VAC14: variants seen among roughly 807,000 people sequenced by gnomAD.
VAC14 encodes the protein protein VAC14 homolog.
A neutral mutation model predicts 85.3 loss-of-function variants in VAC14; 47 were observed. The ratio of observed to expected loss-of-function variants is 0.55; its 90% CI spans 0.44 to 0.70. VAC14 has a LOEUF of 0.70. VAC14 is among the 30% of genes least tolerant of loss of function. The probability of loss-of-function intolerance (pLI) is 0.00; values close to 1 mark genes in which losing one functional copy is unlikely to be tolerated. For synonymous variants in VAC14, 447 were observed against 430.5 expected (o/e 1.04, Z -0.47); for missense variants, 861 against 1,004.3 (o/e 0.86, Z 1.93).
In VAC14 at chr16:70,762,666, G is replaced by GCGGGACACTGCAC; in HGVS notation, c.1306-62_1306-61insGTGCAGTGTCCCG. ...TCCCTTCGCCCCGGGACTACGTGCAGTGCAGTGTCCCGCTGGTGTGCACGG... is the reference window on the plus strand; with the variant it reads ...TCCCTTCGCCCCGGGACTACGTGCAGCGGGACACTGCACTGCAGTGTCCCGCTGGTGTGCACGG... On this transcript the variant is annotated intron_variant, in intron 11 of 18. Transcript: ENST00000261776. The surrounding 1 kb of genome is among the most constrained non-coding windows in gnomAD (Gnocchi z 4.1). The GCGGGACACTGCAC allele has an allele frequency of 6.3e-7, 1 of 1,576,752 alleles. No individual in the cohort carries two copies. Among genetic ancestry groups the GCGGGACACTGCAC allele is most frequent in the Non-Finnish European group, 8.7e-7 (1 of 1,150,288 alleles).
At chr16:70,705,867 G>A (rs1019672613) in intron 14 of VAC14, among the ~76,000 whole-genome samples, 2 of 152,220 alleles carry the variant, frequency 1.3e-5, no homozygotes, top group African/African-American at 4.8e-5. Context: ...CTTCCCAGTG[G>A]AGCCTTGTTG....
chr16:70,713,020 C>A (rs2054068940), intron 14 of VAC14, among the ~76,000 whole-genome samples: 1 of 152,146 alleles, frequency 6.6e-6, no homozygotes, highest in Non-Finnish European at 1.5e-5. Flanking sequence ...ATGAGAGGAT[C>A]AACAGCCAGG....
rs762141124 is a variant in VAC14 at position 70,731,536 on chromosome 16, G to A, written c.1620C>T (p.Ser540=). The part of the protein sequence containing the change: ...FMINLLKRFS[S]ERKLLEVRGP... ...CTCTGACCTCCAGGAGCTTCCGTTC[G>A]CTGCTGAATCTCTTGAGAAGGTTGA... The change falls in exon 14 of 19, where the codon AGC becomes AGT. Residue 540 remains serine (S), a synonymous_variant. Transcript: ENST00000261776. 13 of 1,614,018 alleles carry A rather than the reference G, an allele frequency of 8.1e-6. No homozygotes were observed. The highest frequency in any genetic ancestry group is 2.7e-5 in the African/African-American group (2 of 74,914).
chr16:70,768,870 G>A (rs1414230545), intron 10 of VAC14: 12 of 450,638 alleles, frequency 2.7e-5, no homozygotes, highest in Non-Finnish European at 5.3e-5. Context: ...GCGCGATCTC[G>A]GCTCACTGAA....
chr16:70,794,404 C>T (rs1279985421), intron 1 of VAC14, among the ~76,000 whole-genome samples: 1 of 152,110 alleles, frequency 6.6e-6, no homozygotes, highest in Non-Finnish European at 1.5e-5. Flanking sequence ...TTATGGTTGG[C>T]TTCTTTCACT....
At chr16:70,720,206 A>G (rs1188936567) in intron 14 of VAC14, among the ~76,000 whole-genome samples, 6 of 152,200 alleles carry the variant, frequency 3.9e-5, no homozygotes, top group Admixed American at 6.5e-5. Context: ...AGGAGACGTG[A>G]AAGTGACCTC....
intron 12 of VAC14, among the ~76,000 whole-genome samples, chr16:70,760,962 G>GTGGGT (rs2032283824): frequency 2.1e-5 from 1 of 47,602 alleles, no homozygotes; most frequent in African/African-American, 8.6e-5. Context: ...ACGAAGAGAG[G>GTGGGT]GTGTGTGTGT....
chr16:70,756,118 A>C (rs1172219025), intron 12 of VAC14: 4 of 456,646 alleles, frequency 8.8e-6, no homozygotes, highest in South Asian at 6.2e-5. Flanking sequence ...ACCGGATGGC[A>C]TGAGGCTGGA....
At chr16:70,754,272 G>A (rs377549710) in intron 12 of VAC14, among the ~76,000 whole-genome samples, 40 of 152,302 alleles carry the variant, frequency 2.6e-4, no homozygotes, top group African/African-American at 7.5e-4. Flanking sequence ...GGTGGGTAGA[G>A]GCCCTCTCAG....
At chr16:70,688,279 T>A in intron 18 of VAC14, 189 bp from the exon 19 acceptor site, 1 of 1,233,962 alleles carries the variant, frequency 8.1e-7, no homozygotes, top group South Asian at 3.7e-5. Context: ...ATCCCCCTCT[T>A]CCGCAGTTGG....
At position 70,770,897 on chromosome 16, in the gene VAC14, G is replaced by A. The variant is rs562606358; in HGVS notation, c.1160+1212C>T. 4.6e-5 allele frequency: 7 copies of A among 152,324 alleles called. No homozygotes were observed. In the East Asian group the frequency reaches 1.3e-3, roughly 29 times the overall value. The allele number at this position is 152,324 out of a possible 1,614,324, so 9.4% of individuals were successfully genotyped here. A position where few individuals can be genotyped will look rare whatever the true frequency, so the allele number is the denominator to read the frequency against. On this transcript the variant is annotated intron_variant, in intron 10 of 18. Transcript: ENST00000261776. Reference sequence around the variant, plus strand: ...CCTGCGTGCTTGGAAAACATGCTCAGGGTGCTGAGGGATGAGGATAAGTTC... The same window carrying A: ...CCTGCGTGCTTGGAAAACATGCTCAAGGTGCTGAGGGATGAGGATAAGTTC...
chr16:70,725,106 A>G (rs1318355030), intron 14 of VAC14, among the ~76,000 whole-genome samples: 1 of 152,272 alleles, frequency 6.6e-6, no homozygotes, highest in African/African-American at 2.4e-5. Flanking sequence ...TGGTCTGGCC[A>G]CTTCACTCTA....
intron 15 of VAC14, 65 bp from the exon 16 acceptor site, chr16:70,697,322 G>C: frequency 7.3e-7 from 1 of 1,374,890 alleles, no homozygotes; most frequent in East Asian, 2.3e-5. Flanking sequence ...GGTCCACGTG[G>C]GGACCTGAGG....
chr16:70,753,835 C>A (rs534182026), intron 12 of VAC14, among the ~76,000 whole-genome samples: 1 of 152,184 alleles, frequency 6.6e-6, no homozygotes, highest in Non-Finnish European at 1.5e-5. Context: ...GCAGGCAACT[C>A]GCCCTGCAGC....
In VAC14 at chr16:70,780,849, T is replaced by C; in HGVS notation, c.1037A>G (p.Gln346Arg). ...DDELDELRPGQRQAEPTPDDA... is the reference protein window; with the variant it reads ...DDELDELRPGRRQAEPTPDDA... ...GTCAGGGGTGGGCTCTGCCTGCCTC[T>C]GCCCAGGTCTCAGCTCATCCAGCTC... is the stretch of plus-strand genomic sequence containing the variant. Residue 346 changes from glutamine (Q) to arginine (R), a missense_variant, in exon 9 of 19, where the codon CAG becomes CGG. Gln to Arg is a conservative substitution (Grantham distance 43). Transcript: ENST00000261776. 1 of 1,614,036 alleles carries C rather than the reference T, an allele frequency of 6.2e-7. No homozygotes were observed. Among genetic ancestry groups the C allele is most frequent in the South Asian group, 1.1e-5 (1 of 91,080 alleles).
At chr16:70,786,552 T>C in intron 1 of VAC14, 187 bp from the exon 2 acceptor site, 1 of 678,286 alleles carries the variant, frequency 1.5e-6, no homozygotes, top group Non-Finnish European at 2.4e-6. Context: ...TGGGTCTCAG[T>C]TTCCCTTTGT....
rs144772551 is a variant in VAC14 at position 70,762,886 on chromosome 16, G to A, written c.1300C>T (p.Arg434Trp). Residue 434 changes from arginine (R) to tryptophan (W), a missense_variant, in exon 11 of 19, where the codon CGG becomes TGG. Physicochemically the swap from Arg to Trp is moderately radical, Grantham distance 101. Transcript: ENST00000261776. The surrounding 1 kb of genome is among the most constrained non-coding windows in gnomAD (Gnocchi z 4.1). ...TGGAGGGGCCCAGGGCTCACCTTCC[G>A]AGGAGTTTTGATGTAGAGGTGGTAG... is the stretch of plus-strand genomic sequence containing the variant. Reference protein sequence around the residue: ...WLYHLYIKTPRKMFRHTDSLF... With the variant: ...WLYHLYIKTPWKMFRHTDSLF... 1.6e-4 allele frequency: 254 copies of A among 1,614,190 alleles called. No homozygotes were observed. The highest frequency in any genetic ancestry group is 2.5e-4 in the Admixed American group (15 of 60,024).
chr16:70,784,826 G>C lies in VAC14; in HGVS notation c.436C>G (p.Pro146Ala), dbSNP rs1349905723. 6 of 1,613,990 alleles carry C rather than the reference G, an allele frequency of 3.7e-6. No individual in the cohort carries two copies. Among genetic ancestry groups the C allele is most frequent in the African/African-American group, 1.3e-5 (1 of 74,914 alleles). ...FDGLSKLAAD[P>A]DPNVKSGSEL... ...GATCCGCTTTTCACATTGGGGTCTG[G>C]GTCGGCTGCCAGCTGCAAGAGGCAC... The change falls in exon 4 of 19, where the codon CCA becomes GCA. Residue 146 changes from proline to alanine, a missense_variant. By Grantham distance (27) the Pro-to-Ala change is conservative (BLOSUM62 -1). This residue lies in a region of VAC14 where 629 missense variants were observed against 703.1 expected (regional missense o/e 0.89). Transcript: ENST00000261776.
At chr16:70,783,307 T>C (rs1044539614) in intron 6 of VAC14, 138 bp downstream of exon 6, 3 of 1,067,486 alleles carry the variant, frequency 2.8e-6, no homozygotes, top group African/African-American at 3.1e-5. Context: ...TCTTGGCTCC[T>C]CAAAGCGGGA....
Sources: gnomAD v4.1 joint callset for allele counts (sites outside exome capture counted in the v4.1 genomes callset) on GRCh38, gnomAD v4.1.1 for gene constraint, gnomAD v4.1.1 regional missense constraint, Gnocchi (gnomAD v3.1) non-coding constraint, MANE v1.5 for transcripts, NCBI Gene and HGNC (gene_info 2026-07-23, HGNC 2026-07-21) for gene names.